NAALADL2: variants seen among roughly 807,000 people sequenced by gnomAD.
NAALADL2 encodes the protein inactive N-acetylated-alpha-linked acidic dipeptidase-like protein 2.
NAALADL2 carries 76 observed loss-of-function variants against 87.2 expected under a neutral mutation model. The observed-to-expected ratio is 0.87, with a 90% confidence interval of 0.72 to 1.05. The LOEUF (loss-of-function observed/expected upper bound fraction) is 1.05, where lower values mean the gene tolerates loss of function less well. Ranked by LOEUF, NAALADL2 falls within the 50% of genes least tolerant of loss-of-function variation. The pLI, the probability that NAALADL2 is intolerant of heterozygous loss-of-function variation, is 0.00. For synonymous variants in NAALADL2, 354 were observed against 331.0 expected (o/e 1.07, Z -0.75); for missense variants, 1,089 against 945.8 (o/e 1.15, Z -1.99).
intron 1 of NAALADL2, among the ~76,000 whole-genome samples, chr3:174,527,257 A>C (rs1225295300): frequency 2.0e-5 from 3 of 152,150 alleles, no homozygotes; most frequent in Non-Finnish European, 2.9e-5. Context: ...GCAGTGGGTC[A>C]GGCCTGCAAT....
At chr3:175,603,870 G>A (rs1428860548) in intron 10 of NAALADL2, among the ~76,000 whole-genome samples, 3 of 152,042 alleles carry the variant, frequency 2.0e-5, no homozygotes, top group Non-Finnish European at 2.9e-5. Flanking sequence ...GTCACACACC[G>A]TTGGTCCCAG....
rs1011377151 is a variant in NAALADL2 at position 175,808,399 on chromosome 3, A to AT, written c.*5202dup. On this transcript the variant is annotated 3_prime_UTR_variant, in exon 14 of 14. Transcript: ENST00000454872. The stretch of plus-strand genomic sequence containing the variant: ...GTAACCAAAATGGTAATTTTGATGG[A>AT]TTTTTTAAATGCCAAAATCCAATCA... The AT allele has an allele frequency of 6.6e-6, 1 of 151,920 alleles. No individual in the cohort carries two copies. The highest frequency in any genetic ancestry group is 2.1e-4 in the South Asian group (1 of 4,830). 9.4% of individuals were successfully genotyped at this position (151,920 alleles called of 1,614,324 possible). A position where few individuals can be genotyped will look rare whatever the true frequency, so the allele number is the denominator to read the frequency against.
At chr3:175,536,535 C>T (rs1560720199) in intron 9 of NAALADL2, among the ~76,000 whole-genome samples, 1 of 151,624 alleles carries the variant, frequency 6.6e-6, no homozygotes, top group African/African-American at 2.4e-5. Flanking sequence ...AATGGAAATA[C>T]ATGATATTTA....
intron 1 of NAALADL2, chr3:174,459,691 T>G (rs1292037532): frequency 6.6e-6 from 1 of 152,200 alleles, no homozygotes; most frequent in Non-Finnish European, 1.5e-5. Context: ...TCAAAGATAG[T>G]TTCTTCACTT....
chr3:174,647,778 T>G (rs911827612), intron 2 of NAALADL2, among the ~76,000 whole-genome samples: 10 of 152,308 alleles, frequency 6.6e-5, no homozygotes, highest in African/African-American at 2.2e-4. Context: ...GATTGACTGT[T>G]TCTTCTTTCA....
chr3:175,187,551 A>G (rs1737530077), intron 2 of NAALADL2, among the ~76,000 whole-genome samples: 1 of 152,234 alleles, frequency 6.6e-6, no homozygotes, highest in Admixed American at 6.5e-5. Context: ...ATTGTAGAAC[A>G]AAGTGCTTCC....
intron 1 of NAALADL2, among the ~76,000 whole-genome samples, chr3:174,971,834 A>G (rs982361846): frequency 3.9e-5 from 6 of 152,030 alleles, no homozygotes. Context: ...GGTAGCTGCA[A>G]TTACAGGCAC....
intron 1 of NAALADL2, among the ~76,000 whole-genome samples, chr3:175,076,671 T>C (rs984434543): frequency 6.6e-6 from 1 of 152,166 alleles, no homozygotes; most frequent in African/African-American, 2.4e-5. Flanking sequence ...TTTTGATATC[T>C]AAATGTAATG....
chr3:174,940,550 CTCT>C (rs1414249746), intron 1 of NAALADL2, among the ~76,000 whole-genome samples: 6 of 151,752 alleles, frequency 4.0e-5, no homozygotes, highest in African/African-American at 1.5e-4. Flanking sequence ...GGAGTCCCTC[CTCT>C]TCAATTTTTT....
chr3:175,058,825 T>TA (rs1712802143), intron 1 of NAALADL2, among the ~76,000 whole-genome samples: 1 of 152,254 alleles, frequency 6.6e-6, no homozygotes, highest in African/African-American at 2.4e-5. Flanking sequence ...TCCTTAACAT[T>TA]AAGACCTGTG....
upstream of NAALADL2, among the ~76,000 whole-genome samples, chr3:174,858,202 A>G (rs1726069541): frequency 6.7e-6 from 1 of 148,278 alleles, no homozygotes; most frequent in South Asian, 2.1e-4. Context: ...AAATATTAAT[A>G]TATATGAATA....
intron 2 of NAALADL2, among the ~76,000 whole-genome samples, chr3:175,227,672 T>A (rs1744354556): frequency 6.6e-6 from 1 of 151,952 alleles, no homozygotes; most frequent in Non-Finnish European, 1.5e-5. Flanking sequence ...AATAAACTGT[T>A]GACATTCTCA....
intron 1 of NAALADL2, among the ~76,000 whole-genome samples, chr3:174,901,134 G>A (rs1032050002): frequency 6.6e-6 from 1 of 152,162 alleles, no homozygotes; most frequent in Non-Finnish European, 1.5e-5. Flanking sequence ...GGGGTTAAAA[G>A]TGTCAGTTGT....
chr3:175,763,802 C>A (rs971296607), intron 13 of NAALADL2, among the ~76,000 whole-genome samples: 1 of 152,124 alleles, frequency 6.6e-6, no homozygotes, highest in Admixed American at 6.5e-5. Flanking sequence ...AGTTAAACAG[C>A]AATAAGGGTT....
chr3:174,661,256 T>C (rs536376363), intron 2 of NAALADL2, among the ~76,000 whole-genome samples: 2 of 152,300 alleles, frequency 1.3e-5, no homozygotes, highest in East Asian at 3.9e-4. Flanking sequence ...ACGTAGAATA[T>C]TGGCTTCCAT....
intron 1 of NAALADL2, among the ~76,000 whole-genome samples, chr3:175,038,382 A>G (rs936085871): frequency 6.6e-6 from 1 of 152,200 alleles, no homozygotes; most frequent in African/African-American, 2.4e-5. Flanking sequence ...CTAAGGCATA[A>G]GCTTTTTGTT....
At chr3:175,794,730 C>T (rs1753243271) in intron 13 of NAALADL2, among the ~76,000 whole-genome samples, 1 of 152,186 alleles carries the variant, frequency 6.6e-6, no homozygotes, top group African/African-American at 2.4e-5. Context: ...ATTATAAATG[C>T]AAACAGACAC....
intron 13 of NAALADL2, among the ~76,000 whole-genome samples, chr3:175,764,955 C>G (rs1748504824): frequency 6.6e-6 from 1 of 152,026 alleles, no homozygotes. Context: ...CTACTTTGTT[C>G]AGGTTGTACT....
At chr3:174,723,687 C>T (rs375202551) in intron 2 of NAALADL2, among the ~76,000 whole-genome samples, 5 of 128,814 alleles carry the variant, frequency 3.9e-5, no homozygotes, top group East Asian at 5.3e-4. Flanking sequence ...AACTGGGAGG[C>T]GGAGCTCGCA....
Sources: allele counts gnomAD v4.1 joint callset (sites outside exome capture counted in the v4.1 genomes callset), GRCh38; gene constraint gnomAD v4.1.1; transcripts MANE v1.5; gene names NCBI Gene and HGNC (gene_info 2026-07-23, HGNC 2026-07-21).